Variants in GLIS3 observed in about 807,000 individuals in gnomAD.
GLIS3 encodes the protein GLIS family zinc finger 3.
A neutral mutation model predicts 78.6 loss-of-function variants in GLIS3; 53 were observed. The observed-to-expected ratio is 0.67, with a 90% confidence interval of 0.54 to 0.85. The LOEUF is 0.85. Among genes scored for constraint, GLIS3 ranks in the 40% least tolerant of loss-of-function variants. The pLI, the probability that GLIS3 is intolerant of heterozygous loss-of-function variation, is 0.00. For missense variants in GLIS3, 1,703 were observed against 1,231.1 expected (o/e 1.38, Z -5.74); for synonymous variants, 684 against 509.9 (o/e 1.34, Z -4.60).
chr9:4,316,678 G>C (rs1290418646), intron 2 of GLIS3, among the ~76,000 whole-genome samples: 1 of 152,288 alleles, frequency 6.6e-6, no homozygotes, highest in African/African-American at 2.4e-5. Flanking sequence ...CCCTGAGATG[G>C]GACGGCAGCC....
At chr9:3,878,088 A>G (rs1821442218) in intron 8 of GLIS3, among the ~76,000 whole-genome samples, 1 of 151,962 alleles carries the variant, frequency 6.6e-6, no homozygotes, top group South Asian at 2.1e-4. Context: ...TGTTCCTCAC[A>G]TCTTGGATAT....
chr9:4,452,417 G>C, the GLIS3 span, among the ~76,000 whole-genome samples: 1 of 152,160 alleles, frequency 6.6e-6, no homozygotes, highest in Non-Finnish European at 1.5e-5. Flanking sequence ...TGTATATTTA[G>C]GAAACCCCAC....
chr9:4,093,336 C>T (rs1303294566), intron 4 of GLIS3, among the ~76,000 whole-genome samples: 1 of 152,106 alleles, frequency 6.6e-6, no homozygotes, highest in African/African-American at 2.4e-5. Flanking sequence ...GTCACTTTGC[C>T]CCCAGTGTTT....
intron 4 of GLIS3, among the ~76,000 whole-genome samples, chr9:3,982,543 T>G (rs908340881): frequency 2.0e-5 from 3 of 152,228 alleles, no homozygotes; most frequent in African/African-American, 4.8e-5. Context: ...TTCTTCTTTT[T>G]CTTGTTGACA....
chr9:4,080,455 T>C (rs1373803212), intron 4 of GLIS3, among the ~76,000 whole-genome samples: 3 of 152,140 alleles, frequency 2.0e-5, no homozygotes, highest in African/African-American at 7.2e-5. Context: ...GATGAACAAA[T>C]TATCAAAATT....
chr9:4,445,812 TAA>T, the GLIS3 span, among the ~76,000 whole-genome samples: 1 of 152,096 alleles, frequency 6.6e-6, no homozygotes, highest in South Asian at 2.1e-4. Flanking sequence ...GCCATGCAGA[TAA>T]AAAGAGATGC....
At chr9:3,981,781 T>C (rs1006718047) in intron 4 of GLIS3, among the ~76,000 whole-genome samples, 1 of 152,290 alleles carries the variant, frequency 6.6e-6, no homozygotes, top group Middle Eastern at 3.4e-3. Context: ...AGACCTCTTG[T>C]AGCATATAAC....
the GLIS3 span, among the ~76,000 whole-genome samples, chr9:4,355,067 G>A: frequency 6.6e-6 from 1 of 150,552 alleles, no homozygotes; most frequent in Admixed American, 6.6e-5. Flanking sequence ...GGAGGCGGAG[G>A]TTGCAGTGAG....
chr9:4,197,652 C>T (rs547100176), intron 2 of GLIS3, among the ~76,000 whole-genome samples: 1 of 152,326 alleles, frequency 6.6e-6, no homozygotes, highest in South Asian at 2.1e-4. Flanking sequence ...TTGCCACCCA[C>T]TTCACCGGGG....
intron 2 of GLIS3, among the ~76,000 whole-genome samples, chr9:4,270,868 A>C (rs1826434566): frequency 6.7e-6 from 1 of 149,846 alleles, no homozygotes; most frequent in South Asian, 2.2e-4. Context: ...TAATAAATCA[A>C]TCTCTCTCTC....
chr9:4,384,895 A>G, the GLIS3 span, among the ~76,000 whole-genome samples: 1 of 152,144 alleles, frequency 6.6e-6, no homozygotes, highest in African/African-American at 2.4e-5. Context: ...CTGGAGCCAG[A>G]CACTGTTGCA....
intron 2 of GLIS3, among the ~76,000 whole-genome samples, chr9:4,273,837 C>T (rs1190016238): frequency 6.6e-6 from 1 of 152,088 alleles, no homozygotes; most frequent in Non-Finnish European, 1.5e-5. Flanking sequence ...TTCTTGACTC[C>T]AAATTTCCAA....
At chr9:3,899,441 A>T (rs1386698291) in intron 6 of GLIS3, among the ~76,000 whole-genome samples, 1 of 152,124 alleles carries the variant, frequency 6.6e-6, no homozygotes, top group Non-Finnish European at 1.5e-5. Context: ...AAAAAATCAA[A>T]CAATAAAAAA....
At chr9:4,222,175 G>T (rs1821383393) in intron 2 of GLIS3, among the ~76,000 whole-genome samples, 1 of 152,170 alleles carries the variant, frequency 6.6e-6, no homozygotes, top group South Asian at 2.1e-4. Context: ...CCATCACTTT[G>T]TAAGCTCTAA....
At chr9:4,161,249 G>A (rs1402045223) in intron 2 of GLIS3, among the ~76,000 whole-genome samples, 1 of 151,750 alleles carries the variant, frequency 6.6e-6, no homozygotes, top group Non-Finnish European at 1.5e-5. Flanking sequence ...CTCCAGCCTG[G>A]GAGACAAAGC....
chr9:3,858,211 T>G (rs182955503), intron 8 of GLIS3, among the ~76,000 whole-genome samples: 1 of 152,330 alleles, frequency 6.6e-6, no homozygotes, highest in East Asian at 1.9e-4. Context: ...TTCTGGAATA[T>G]CTGCTATCCT....
intron 4 of GLIS3, among the ~76,000 whole-genome samples, chr9:3,998,801 T>C (rs910419164): frequency 6.9e-6 from 1 of 143,972 alleles, no homozygotes; most frequent in Non-Finnish European, 1.6e-5. Context: ...AATAAAATAA[T>C]ATTTTATTAA....
At chr9:4,238,843 C>A (rs1034520402) in intron 2 of GLIS3, among the ~76,000 whole-genome samples, 2 of 152,054 alleles carry the variant, frequency 1.3e-5, no homozygotes, top group African/African-American at 4.8e-5. Context: ...TTTGAAATGA[C>A]CAGCAGAGAG....
Position 4,002,916 on chromosome 9 carries a change from T to G in GLIS3, c.1711-65727A>C, listed in dbSNP as rs575037502. 2.6e-5 allele frequency among the ~76,000 whole-genome samples: 4 copies of G among 152,266 alleles called. No individual in the cohort carries two copies. The South Asian group carries it at 8.3e-4, about 32-fold the overall frequency. On this transcript the variant is annotated intron_variant, in intron 4 of 10. Transcript: ENST00000381971. ...CAACCATGAGGCAAAGGTCAAGAGA[T>G]CCACAACGACATGGCTCTGATACTG...
Sources: gnomAD v4.1 joint callset for allele counts (sites outside exome capture counted in the v4.1 genomes callset) on GRCh38, gnomAD v4.1.1 for gene constraint, MANE v1.5 for transcripts, NCBI Gene and HGNC (gene_info 2026-07-23, HGNC 2026-07-21) for gene names.